Variants in STPG1 observed in about 807,000 individuals in gnomAD.
STPG1 encodes the protein O(6)-methylguanine-induced apoptosis 2.
Under a neutral mutation model 40.1 loss-of-function variants are expected in STPG1, and 33 were observed. That is an observed-to-expected ratio of 0.82 (90% CI 0.62 to 1.10). The LOEUF (loss-of-function observed/expected upper bound fraction) is 1.10, where lower values mean the gene tolerates loss of function less well. Ranked by LOEUF, STPG1 falls within the 50% of genes least tolerant of loss-of-function variation. The pLI, the probability that STPG1 is intolerant of heterozygous loss-of-function variation, is 0.00. For synonymous variants in STPG1, 150 were observed against 155.0 expected, an observed-to-expected ratio of 0.97 and a Z score of 0.24; for missense variants, 396 against 415.1, an observed-to-expected ratio of 0.95 and a Z score of 0.40.
intron 2 of STPG1, among the ~76,000 whole-genome samples, chr1:24,400,055 C>T (rs1410215544): frequency 6.6e-6 from 1 of 152,108 alleles, no homozygotes; most frequent in African/African-American, 2.4e-5. Context: ...AATATGTGTC[C>T]CACAAGACAA....
Position 24,373,805 on chromosome 1 carries a change from A to G in STPG1, c.468T>C (p.Ser156=). ...TGTTTCTCTGCTTGCAGCAAGAGAC[A>G]GAGGCCTAGGGGGAGAAAATACACC... ...ETPAPNYYNA[S]VSCCKQRNNV... is the part of the protein sequence containing the mutation. Residue 156 remains serine (S), a synonymous_variant, in exon 6 of 9, where the codon TCT becomes TCC. Transcript: ENST00000337248. The G allele has an allele frequency of 6.2e-7, 1 of 1,606,992 alleles. No individual in the cohort carries two copies. Among genetic ancestry groups the G allele is most frequent in the South Asian group, 1.1e-5 (1 of 90,904 alleles).
At chr1:24,391,727 T>C (rs1304914310) in intron 2 of STPG1, 48 bp from the exon 3 acceptor site, 19 of 1,386,256 alleles carry the variant, frequency 1.4e-5, no homozygotes, top group Admixed American at 6.6e-5. Flanking sequence ...AAAACAATGA[T>C]TGACAAATGT....
At chr1:24,371,390 C>A (rs1641731643) in intron 6 of STPG1, among the ~76,000 whole-genome samples, 1 of 151,996 alleles carries the variant, frequency 6.6e-6, no homozygotes, top group Non-Finnish European at 1.5e-5. Context: ...GAGTTTGAGA[C>A]CAGCCTGACC....
rs535901162 is a variant in STPG1, at chr1:24,364,225, C to T, written c.738-3184G>A. 4.3e-5 allele frequency: 66 copies of T among 1,544,672 alleles called. No individual in the cohort carries two copies. The Middle Eastern group carries it at 1.0e-3, about 23-fold the overall frequency. On this transcript the variant is annotated intron_variant, in intron 7 of 8. Coordinates refer to ENST00000337248, the MANE Select transcript of STPG1 (RefSeq NM_001199013.2). ...CCACCCACGCCTGTCTCGCCACCCCCCACCTGACTGTCTTGAATGTTCCCA... is the reference window on the plus strand; with the variant it reads ...CCACCCACGCCTGTCTCGCCACCCCTCACCTGACTGTCTTGAATGTTCCCA...
intron 6 of STPG1, among the ~76,000 whole-genome samples, chr1:24,373,065 C>T (rs576557367): frequency 7.4e-4 from 112 of 152,196 alleles, no homozygotes; most frequent in Middle Eastern, 3.4e-3. Flanking sequence ...TTAGTGAGAC[C>T]CCTCTGGGCT....
At chr1:24,383,873 A>ATGCTTTACTCAAGAGAAG in intron 4 of STPG1, 29 bp downstream of exon 4, 1 of 1,377,396 alleles carries the variant, frequency 7.3e-7, no homozygotes, top group Non-Finnish European at 1.0e-6. Context: ...TGACCAGTTA[A>ATGCTTTACTCAAGAGAAG]TGCTTTACTC....
rs376946114 is a variant in STPG1, at chr1:24,373,682, A to G, written c.571+20T>C. On this transcript the variant is annotated intron_variant, in intron 6 of 8. Transcript: ENST00000337248. ...GACACTTAACCCTTAGGTCAAGGCC[A>G]GTGCAAAGCAGCTGCTTACCTGGGG... 3 of 1,533,844 alleles carry G rather than the reference A, an allele frequency of 2.0e-6. No homozygotes were observed. Among genetic ancestry groups the G allele is most frequent in the Non-Finnish European group, 2.7e-6 (3 of 1,107,646 alleles).
chr1:24,365,544 A>G (rs1641400224), intron 7 of STPG1, among the ~76,000 whole-genome samples: 1 of 152,220 alleles, frequency 6.6e-6, no homozygotes, highest in Non-Finnish European at 1.5e-5. Flanking sequence ...GGCCATGGCC[A>G]AGGAACACCC....
chr1:24,383,963 T>C lies in STPG1; in HGVS notation c.230A>G (p.Gln77Arg). 2 of 1,614,078 alleles carry C rather than the reference T, an allele frequency of 1.2e-6. No homozygotes were observed. The highest frequency in any genetic ancestry group is 1.7e-6 in the Non-Finnish European group (2 of 1,179,882). ...PGPGFYNVIH[Q>R]SPVSNSVSLS... ...TGAGACACTGTTGGACACCGGTGAC[T>C]GGTGAATAACATTGTAGAACCCAGG... The change falls in exon 4 of 9, where the codon CAG (glutamine) becomes CGG (arginine). Residue 77 changes from glutamine to arginine, a missense_variant. Transcript: ENST00000337248.
At chr1:24,383,509 AT>A (rs1642377676) in intron 4 of STPG1, among the ~76,000 whole-genome samples, 1 of 152,192 alleles carries the variant, frequency 6.6e-6, no homozygotes, top group Non-Finnish European at 1.5e-5. Context: ...GTCCTATCAG[AT>A]TTCTCAATAG....
At chr1:24,411,880 T>C (rs1643683430) in intron 1 of STPG1, 2 of 152,226 alleles carry the variant, frequency 1.3e-5, no homozygotes. Context: ...GTTTAAAAAC[T>C]CCTGGGGGAA....
At position 24,373,777 on chromosome 1, in the gene STPG1, C is replaced by T. The variant is rs760124014; in HGVS notation, c.496G>A (p.Val166Ile). The T allele has an allele frequency of 1.1e-5, 18 of 1,610,418 alleles. 1 individual carries two copies. Among genetic ancestry groups the T allele is most frequent in the Admixed American group, 8.3e-5 (5 of 59,976 alleles). The change falls in exon 6 of 9, where the codon GTC becomes ATC. Residue 166 changes from valine (V) to isoleucine (I), a missense_variant. Coordinates refer to ENST00000337248, the MANE Select transcript of STPG1 (RefSeq NM_001199013.2). ...SVSCCKQRNNVCTRAGFMSKT... is the reference protein window; with the variant it reads ...SVSCCKQRNNICTRAGFMSKT... ...GACATAAACCCGGCTCGAGTACAGA[C>T]GTTGTTTCTCTGCTTGCAGCAAGAG...
upstream of STPG1, chr1:24,414,440 C>G (rs111497711): frequency 2.0e-5 from 3 of 151,864 alleles, no homozygotes; most frequent in African/African-American, 7.3e-5. Flanking sequence ...CCTCTTCACA[C>G]GCTTCAGGGC....
intron 7 of STPG1, among the ~76,000 whole-genome samples, chr1:24,367,331 C>A (rs892463577): frequency 6.6e-6 from 1 of 152,194 alleles, no homozygotes; most frequent in Non-Finnish European, 1.5e-5. Context: ...GAAGATATTT[C>A]TCCAGATAAA....
intron 7 of STPG1, among the ~76,000 whole-genome samples, chr1:24,362,707 C>T (rs1641201351): frequency 6.6e-6 from 1 of 152,214 alleles, no homozygotes; most frequent in Non-Finnish European, 1.5e-5. Flanking sequence ...AGGGCCCTTC[C>T]ACCCCAGAGT....
chr1:24,383,184 A>G (rs1408893341), intron 4 of STPG1, among the ~76,000 whole-genome samples: 1 of 152,170 alleles, frequency 6.6e-6, no homozygotes. Context: ...AAATGCTGGC[A>G]TTATAGGCAT....
At position 24,374,506 on chromosome 1, in the gene STPG1, G is replaced by A. The variant is rs183113048; in HGVS notation, c.463-696C>T. ...GATCTCCTGACCTCGTGATCCGCCCGCCTCGGCCTCCCAAAGTGCTGGGAT... is the reference window on the plus strand; with the variant it reads ...GATCTCCTGACCTCGTGATCCGCCCACCTCGGCCTCCCAAAGTGCTGGGAT... On this transcript the variant is annotated intron_variant, in intron 5 of 8. Transcript: ENST00000337248. Among the ~76,000 whole-genome samples, 563 of 151,902 alleles carry A rather than the reference G, an allele frequency of 3.7e-3. 6 individuals carry two copies. The highest frequency in any genetic ancestry group is 0.012 in the African/African-American group (516 of 41,412).
chr1:24,373,155 T>C (rs1641832852), intron 6 of STPG1, among the ~76,000 whole-genome samples: 1 of 152,132 alleles, frequency 6.6e-6, no homozygotes, highest in African/African-American at 2.4e-5. Flanking sequence ...ATCTGAAAAG[T>C]AGGGCTAAGT....
chr1:24,362,598 T>C (rs141962380), intron 7 of STPG1, among the ~76,000 whole-genome samples: 2 of 152,304 alleles, frequency 1.3e-5, no homozygotes, highest in East Asian at 1.9e-4. Flanking sequence ...TAGTAGGTGC[T>C]CAATAAAGGT....
Sources: gnomAD v4.1 joint callset for allele counts (sites outside exome capture counted in the v4.1 genomes callset) on GRCh38, gnomAD v4.1.1 for gene constraint, MANE v1.5 for transcripts, NCBI Gene and HGNC (gene_info 2026-07-23, HGNC 2026-07-21) for gene names.